ATP11A: variants seen among roughly 807,000 people sequenced by gnomAD.
The protein encoded by ATP11A is ATPase phospholipid transporting 11A.
A neutral mutation model predicts 154.4 loss-of-function variants in ATP11A; 81 were observed. The observed-to-expected ratio is 0.52, with a 90% CI of 0.44 to 0.63. The LOEUF (loss-of-function observed/expected upper bound fraction) is 0.63, where lower values mean the gene tolerates loss of function less well. Ranked by LOEUF, ATP11A falls within the 30% of genes least tolerant of loss-of-function variation. ATP11A has a pLI of 0.00. For missense variants in ATP11A, 1,316 were observed against 1,474.3 expected, an observed-to-expected ratio of 0.89 and a Z score of 1.76; for synonymous variants, 623 against 585.9, an observed-to-expected ratio of 1.06 and a Z score of -0.91.
At chr13:112,757,407 G>A (rs933469915) in intron 1 of ATP11A, among the ~76,000 whole-genome samples, 5 of 152,240 alleles carry the variant, frequency 3.3e-5, no homozygotes, top group Non-Finnish European at 5.9e-5. Context: ...GTGTCATCAC[G>A]ACTTCCTCTT....
intron 1 of ATP11A, among the ~76,000 whole-genome samples, chr13:112,716,689 G>A (rs1217994508): frequency 5.9e-5 from 9 of 152,194 alleles, no homozygotes; most frequent in Non-Finnish European, 1.0e-4. Context: ...GGCCGCTGGA[G>A]AGGGTGTGAG....
intron 7 of ATP11A, 70 bp downstream of exon 7, chr13:112,819,477 C>G: frequency 7.6e-7 from 1 of 1,314,206 alleles, no homozygotes; most frequent in African/African-American, 1.5e-5. Context: ...CTTTTTCACC[C>G]CAAGTAGTCC....
intron 1 of ATP11A, among the ~76,000 whole-genome samples, chr13:112,774,743 A>T (rs2077305333): frequency 6.6e-6 from 1 of 152,272 alleles, no homozygotes; most frequent in Non-Finnish European, 1.5e-5. Flanking sequence ...CCCAGGTCAC[A>T]GTCTCAGAGT....
chr13:112,772,176 T>C (rs1053794943), intron 1 of ATP11A, among the ~76,000 whole-genome samples: 4 of 152,238 alleles, frequency 2.6e-5, no homozygotes, highest in African/African-American at 9.6e-5. Flanking sequence ...AACAAAGTCT[T>C]TTTCTAAGAC....
At chr13:112,740,162 A>G (rs916689412) in intron 1 of ATP11A, among the ~76,000 whole-genome samples, 1 of 147,002 alleles carries the variant, frequency 6.8e-6, no homozygotes, top group Non-Finnish European at 1.5e-5. Context: ...ATATATATAT[A>G]TATATATAGA....
At chr13:112,768,880 G>C (rs1332979661) in intron 1 of ATP11A, among the ~76,000 whole-genome samples, 2 of 152,218 alleles carry the variant, frequency 1.3e-5, no homozygotes, top group East Asian at 3.9e-4. Flanking sequence ...TCAGGGCGGA[G>C]TTGCTGCTCA....
intron 1 of ATP11A, among the ~76,000 whole-genome samples, chr13:112,776,835 G>T (rs1012372037): frequency 1.3e-5 from 2 of 152,156 alleles, no homozygotes; most frequent in Admixed American, 6.5e-5. Flanking sequence ...GACCTCAGGT[G>T]ATCCACCCAC....
rs534585005 is a variant in ATP11A at position 112,881,750 on chromosome 13, T to A, written c.*10-126T>A. 4.5e-6 allele frequency: 6 copies of A among 1,334,918 alleles called. No individual in the cohort carries two copies. The Admixed American group carries it at 7.8e-5, about 17-fold the overall frequency. The allele number at this position is 1,334,918 out of a possible 1,614,324, so 82.7% of individuals were successfully genotyped here. On this transcript the variant is annotated intron_variant, in intron 29 of 29. Transcript: ENST00000375645. Reference sequence around the variant, plus strand: ...GGTAGTGAGTGCATCCCAGAGTGGCTCAGGTCACCCCAGGCAGCCCCGTGG... The same window carrying A: ...GGTAGTGAGTGCATCCCAGAGTGGCACAGGTCACCCCAGGCAGCCCCGTGG...
At chr13:112,772,313 G>A (rs985765513) in intron 1 of ATP11A, among the ~76,000 whole-genome samples, 9 of 152,216 alleles carry the variant, frequency 5.9e-5, no homozygotes, top group South Asian at 2.1e-4. Context: ...AGGTTCCAGC[G>A]GTGAGGGGTG....
At chr13:112,691,230 C>G (rs1421517935) in intron 1 of ATP11A, among the ~76,000 whole-genome samples, 1 of 151,682 alleles carries the variant, frequency 6.6e-6, no homozygotes, top group Non-Finnish European at 1.5e-5. Context: ...TTTTGGAGGC[C>G]GAGGCGGGCG....
At chr13:112,719,702 G>T (rs1178258662) in intron 1 of ATP11A, among the ~76,000 whole-genome samples, 1 of 152,096 alleles carries the variant, frequency 6.6e-6, no homozygotes, top group Non-Finnish European at 1.5e-5. Context: ...AAGCAGAGGG[G>T]ACTTTGTCAC....
At chr13:112,852,940 G>T (rs1213006478) in intron 18 of ATP11A, among the ~76,000 whole-genome samples, 1 of 152,242 alleles carries the variant, frequency 6.6e-6, no homozygotes, top group Non-Finnish European at 1.5e-5. Context: ...TGTAAACAGG[G>T]CCAGGCCCGG....
Position 112,846,612 on chromosome 13 carries a change from AC to A in ATP11A, c.1809+4237del, listed in dbSNP as rs151039218. 5.4e-3 allele frequency among the ~76,000 whole-genome samples: 819 copies of A among 152,220 alleles called. 9 individuals carry two copies. Among genetic ancestry groups the A allele is most frequent in the Non-Finnish European group, 9.1e-3 (622 of 67,998 alleles). On this transcript the variant is annotated intron_variant, in intron 17 of 29. Transcript: ENST00000375645. ...TGTTTAAATCCTCCTCGCTAACTGC[AC>A]CCCTGCTGCCAGCTCTGGACCAGCC...
chr13:112,729,849 T>C (rs1594450995), intron 1 of ATP11A, among the ~76,000 whole-genome samples: 2 of 152,244 alleles, frequency 1.3e-5, no homozygotes, highest in African/African-American at 4.8e-5. Flanking sequence ...ATGTTGTCAG[T>C]GATTAATCTG....
chr13:112,754,017 C>T lies in ATP11A; in HGVS notation c.40-31118C>T, dbSNP rs1410474565. ...CCTGACAGGCCGATCACAGCCTGAC[C>T]TTGACCAGGCAGCATCCAGGGCGTC... On this transcript the variant is annotated intron_variant, in intron 1 of 29. Transcript: ENST00000375645. The surrounding 1 kb of genome is among the most constrained non-coding windows in gnomAD (Gnocchi z 5.3). 6.6e-6 allele frequency among the ~76,000 whole-genome samples: 1 copy of T among 152,232 alleles called. No homozygotes were observed. Among genetic ancestry groups the T allele is most frequent in the Non-Finnish European group, 1.5e-5 (1 of 68,050 alleles).
chr13:112,749,727 C>T (rs532868469), intron 1 of ATP11A, among the ~76,000 whole-genome samples: 9 of 145,504 alleles, frequency 6.2e-5, no homozygotes, highest in Non-Finnish European at 1.0e-4. Context: ...TTCAGCCTCT[C>T]GTGAATTTCT....
rs565706962 is a variant in ATP11A, at chr13:112,723,891, AGGGCCTGTGGATTCCC to A, written c.39+33440_39+33455del. ...TCTCGCCCGAAACCCGGAGGCCCTC[AGGGCCTGTGGATTCCC>A]GGGAACGCTCGTGTCACACGGGCTC... is the stretch of plus-strand genomic sequence containing the variant. On this transcript the variant is annotated intron_variant, in intron 1 of 29. Coordinates refer to ENST00000375645, the MANE Select transcript of ATP11A (RefSeq NM_015205.3). Among the ~76,000 whole-genome samples the A allele has an allele frequency of 5.8e-4, 88 of 152,274 alleles. No homozygotes were observed. The East Asian group carries it at 0.017, about 29-fold the overall frequency.
chr13:112,813,786 CTTAAATA>C (rs764982678), intron 5 of ATP11A, among the ~76,000 whole-genome samples: 2 of 152,150 alleles, frequency 1.3e-5, no homozygotes, highest in Non-Finnish European at 2.9e-5. Flanking sequence ...CTCGGTGCAG[CTTAAATA>C]TGTCCCTGAC....
Position 112,884,327 on chromosome 13 carries a change from G to A in ATP11A, c.*2461G>A, listed in dbSNP as rs956822509. ...AGCCTTAAAAATAGAAGATTCTCAC[G>A]TGAAGGTTTAGTAAGTTGGGTCCCA... On this transcript the variant is annotated 3_prime_UTR_variant, in exon 30 of 30. Transcript: ENST00000375645. 1.3e-5 allele frequency: 2 copies of A among 152,562 alleles called. No homozygotes were observed. Among genetic ancestry groups the A allele is most frequent in the Non-Finnish European group, 2.9e-5 (2 of 68,032 alleles). 9.5% of individuals were successfully genotyped at this position (152,562 alleles called of 1,614,324 possible).
Sources: gnomAD v4.1 joint callset for allele counts (sites outside exome capture counted in the v4.1 genomes callset) on GRCh38, gnomAD v4.1.1 for gene constraint, Gnocchi (gnomAD v3.1) non-coding constraint, MANE v1.5 for transcripts, NCBI Gene and HGNC (gene_info 2026-07-23, HGNC 2026-07-21) for gene names.